BCAS1: variants seen among roughly 807,000 people sequenced by gnomAD.
The protein encoded by BCAS1 is breast carcinoma-amplified sequence 1.
BCAS1 carries 46 observed loss-of-function variants against 65.4 expected under a neutral mutation model. The ratio of observed to expected loss-of-function variants is 0.70; its 90% CI spans 0.55 to 0.90. The LOEUF (loss-of-function observed/expected upper bound fraction) is 0.90. Ranked by LOEUF, BCAS1 falls within the 40% of genes least tolerant of loss-of-function variation. The pLI, the probability that BCAS1 is intolerant of heterozygous loss-of-function variation, is 0.00. For synonymous variants in BCAS1, 298 were observed against 293.5 expected (o/e 1.02, Z -0.16); for missense variants, 793 against 771.2 (o/e 1.03, Z -0.33).
chr20:54,006,905 G>C (rs17460648), intron 4 of BCAS1, among the ~76,000 whole-genome samples: 1 of 152,022 alleles, frequency 6.6e-6, no homozygotes, highest in African/African-American at 2.4e-5. Flanking sequence ...GGAAAAAACC[G>C]AAGTGGACAA....
chr20:53,969,930 C>T (rs2090136679), intron 9 of BCAS1, among the ~76,000 whole-genome samples: 1 of 152,108 alleles, frequency 6.6e-6, no homozygotes, highest in Non-Finnish European at 1.5e-5. Flanking sequence ...AATGAGATTA[C>T]TAACTTAGAC....
At chr20:54,009,232 A>G (rs1323561754) in intron 4 of BCAS1, among the ~76,000 whole-genome samples, 1 of 152,232 alleles carries the variant, frequency 6.6e-6, no homozygotes, top group Admixed American at 6.5e-5. Context: ...AAAAATAACT[A>G]AAATGGAAAT....
chr20:53,959,089 T>A (rs1245039648), intron 10 of BCAS1, among the ~76,000 whole-genome samples: 1 of 152,156 alleles, frequency 6.6e-6, no homozygotes, highest in Non-Finnish European at 1.5e-5. Flanking sequence ...TCTTTATTTT[T>A]GATATTATTA....
intron 8 of BCAS1, among the ~76,000 whole-genome samples, chr20:53,983,417 A>G (rs1020871344): frequency 6.6e-6 from 1 of 152,178 alleles, no homozygotes; most frequent in African/African-American, 2.4e-5. Context: ...TGCATCTTAC[A>G]AGTGAGGAAA....
chr20:54,049,307 C>T (rs1177813395), intron 3 of BCAS1, among the ~76,000 whole-genome samples: 2 of 152,262 alleles, frequency 1.3e-5, no homozygotes, highest in East Asian at 3.9e-4. Flanking sequence ...TTATCCAGGT[C>T]AAACATTCCT....
intron 4 of BCAS1, among the ~76,000 whole-genome samples, chr20:54,026,178 G>A (rs2146079540): frequency 6.6e-6 from 1 of 152,288 alleles, no homozygotes; most frequent in South Asian, 2.1e-4. Context: ...CAATTCTTGG[G>A]TCTTCTGAGA....
chr20:53,987,377 A>G (rs1419098531), intron 7 of BCAS1, among the ~76,000 whole-genome samples: 3 of 152,238 alleles, frequency 2.0e-5, no homozygotes, highest in African/African-American at 2.4e-5. Context: ...GGCTGAGCTC[A>G]TAAGATTCTG....
At chr20:54,034,497 G>A (rs1239201059) in intron 3 of BCAS1, among the ~76,000 whole-genome samples, 4 of 151,088 alleles carry the variant, frequency 2.6e-5, no homozygotes, top group Admixed American at 6.6e-5. Context: ...CAACAGTCAA[G>A]CCAGGAGCCA....
chr20:53,959,178 A>G (rs966949213), intron 10 of BCAS1, among the ~76,000 whole-genome samples: 2 of 151,876 alleles, frequency 1.3e-5, no homozygotes, highest in Admixed American at 6.6e-5. Context: ...AGCAGCTTCA[A>G]CCTCCATGGT....
chr20:53,995,888 T>C lies in BCAS1; in HGVS notation c.882+4A>G. On this transcript the variant is annotated splice_donor_region_variant and intron_variant, in intron 5 of 12. Transcript: ENST00000688948. ...GGAGGGGAAAAGAGGAGAAAACTGC[T>C]TACCAGAGTTTTAAAGAAACTCATG... 6.3e-7 allele frequency: 1 copy of C among 1,593,766 alleles called. No individual in the cohort carries two copies. The highest frequency in any genetic ancestry group is 1.4e-5 in the African/African-American group (1 of 74,044).
At chr20:54,000,399 C>A (rs1221416606) in intron 4 of BCAS1, among the ~76,000 whole-genome samples, 1 of 152,178 alleles carries the variant, frequency 6.6e-6, no homozygotes, top group Non-Finnish European at 1.5e-5. Flanking sequence ...GGAATAGAAA[C>A]CAATGAAGGT....
intron 9 of BCAS1, among the ~76,000 whole-genome samples, chr20:53,974,613 T>C (rs937109503): frequency 2.0e-5 from 3 of 152,230 alleles, no homozygotes; most frequent in African/African-American, 7.2e-5. Context: ...TTTGGCAACA[T>C]GATAATGTTC....
intron 4 of BCAS1, among the ~76,000 whole-genome samples, chr20:53,999,296 C>T (rs2090998859): frequency 6.6e-6 from 1 of 152,172 alleles, no homozygotes; most frequent in Admixed American, 6.5e-5. Context: ...CTTGTTTATG[C>T]TTGTATAGCT....
intron 3 of BCAS1, chr20:54,029,256 T>C: frequency 8.1e-6 from 8 of 984,116 alleles, no homozygotes; most frequent in Non-Finnish European, 8.4e-6. Flanking sequence ...AATCTTCTTT[T>C]ATCTGTGTAA....
chr20:54,027,809 A>G (rs1225523572), intron 4 of BCAS1, among the ~76,000 whole-genome samples: 9 of 151,834 alleles, frequency 5.9e-5, no homozygotes. Context: ...AAAACAAAAA[A>G]AAAACCCAAA....
Position 54,058,253 on chromosome 20 carries a change from T to A in BCAS1, c.73-99A>T. ...AGATACAAGGGTGTCTCACAAAAAA[T>A]TAAACTTAACTTAAAGGCTGTGTTT... On this transcript the variant is annotated intron_variant, in intron 2 of 12. Coordinates refer to ENST00000688948, the MANE Select transcript of BCAS1 (RefSeq NM_001366298.2). 3 of 1,119,046 alleles carry A rather than the reference T, an allele frequency of 2.7e-6. No homozygotes were observed. The Admixed American group carries it at 6.1e-5, about 23-fold the overall frequency. 69.3% of individuals were successfully genotyped at this position (1,119,046 alleles called of 1,614,324 possible). A position where few individuals can be genotyped will look rare whatever the true frequency, so the allele number is the denominator to read the frequency against.
At chr20:53,953,127 G>A (rs1000031347) in intron 12 of BCAS1, among the ~76,000 whole-genome samples, 1 of 152,144 alleles carries the variant, frequency 6.6e-6, no homozygotes, top group Non-Finnish European at 1.5e-5. Flanking sequence ...CTAGGTCTCA[G>A]GCACTGTGCT....
intron 4 of BCAS1, among the ~76,000 whole-genome samples, chr20:54,013,991 G>A (rs2091378078): frequency 6.6e-6 from 1 of 152,320 alleles, no homozygotes; most frequent in African/African-American, 2.4e-5. Context: ...GAGTGAATAT[G>A]TTACGTATTA....
rs1318307806 is a variant in BCAS1 at position 53,944,604 on chromosome 20, C to T, written c.*318G>A. On this transcript the variant is annotated 3_prime_UTR_variant, in exon 13 of 13. Transcript: ENST00000688948. ...GATTACAGGCGAGAGCCACCACGCC[C>T]GGCCACCACTGCCATTTTCATCACT... 1.8e-5 allele frequency: 5 copies of T among 277,530 alleles called. No individual in the cohort carries two copies. The highest frequency in any genetic ancestry group is 8.0e-5 in the East Asian group (1 of 12,558). The allele number at this position is 277,530 out of a possible 1,614,324, so 17.2% of individuals were successfully genotyped here.
Sources: allele counts gnomAD v4.1 joint callset (sites outside exome capture counted in the v4.1 genomes callset), GRCh38; gene constraint gnomAD v4.1.1; transcripts MANE v1.5; gene names NCBI Gene and HGNC (gene_info 2026-07-23, HGNC 2026-07-21).